Variants in CAMSAP2 observed in about 807,000 individuals in gnomAD.
The protein encoded by CAMSAP2 is calmodulin regulated spectrin associated protein family member 2.
A neutral mutation model predicts 146.1 loss-of-function variants in CAMSAP2; 26 were observed. That is an observed-to-expected ratio of 0.18 (90% CI 0.13 to 0.25). CAMSAP2 has a LOEUF of 0.25. CAMSAP2 is among the 10% of genes least tolerant of loss of function. The pLI, the probability that CAMSAP2 is intolerant of heterozygous loss-of-function variation, is 1.00. For synonymous variants in CAMSAP2, 499 were observed against 596.6 expected (o/e 0.84, Z 2.38); for missense variants, 1,381 against 1,759.3 (o/e 0.78, Z 3.85).
chr1:200,762,127 G>A (rs926775259), intron 2 of CAMSAP2, among the ~76,000 whole-genome samples: 1 of 152,270 alleles, frequency 6.6e-6, no homozygotes, highest in South Asian at 2.1e-4. Context: ...ATGAAGTTAT[G>A]TAATTTAGGA....
At chr1:200,828,312 A>C (rs1666954981) in intron 4 of CAMSAP2, among the ~76,000 whole-genome samples, 1 of 152,206 alleles carries the variant, frequency 6.6e-6, no homozygotes, top group Non-Finnish European at 1.5e-5. Context: ...TTGCTGCTAA[A>C]GTATACAGCA....
chr1:200,822,139 TACACACAC>T (rs150135269), intron 4 of CAMSAP2, among the ~76,000 whole-genome samples: 475 of 146,284 alleles, frequency 3.2e-3, no homozygotes, highest in South Asian at 0.017. Context: ...TCTCTCGCTC[TACACACAC>T]ACACACACAC....
chr1:200,745,541 C>G (rs1033661239), intron 1 of CAMSAP2, among the ~76,000 whole-genome samples: 3 of 152,176 alleles, frequency 2.0e-5, no homozygotes, highest in Non-Finnish European at 2.9e-5. Context: ...AGTTAACTAA[C>G]TTGCCCTTGA....
intron 1 of CAMSAP2, among the ~76,000 whole-genome samples, chr1:200,759,991 G>T (rs1360404629): frequency 6.6e-6 from 1 of 152,224 alleles, no homozygotes; most frequent in African/African-American, 2.4e-5. Context: ...TGCTTAAGTT[G>T]ATTTGGGAGC....
intron 2 of CAMSAP2, among the ~76,000 whole-genome samples, chr1:200,800,159 C>T (rs557587738): frequency 2.6e-5 from 4 of 152,116 alleles, no homozygotes; most frequent in Admixed American, 6.5e-5. Context: ...TTTGGGATGG[C>T]GAATTCTGTA....
intron 6 of CAMSAP2, among the ~76,000 whole-genome samples, chr1:200,837,354 C>CCAAT (rs1245110871): frequency 1.3e-5 from 2 of 152,006 alleles, no homozygotes; most frequent in African/African-American, 4.8e-5. Context: ...GGAGTCCTTC[C>CCAAT]CCATTGTTTG....
At chr1:200,782,782 C>CTTTTTTTTTTTTTTTTTTTT (rs57995961) in intron 2 of CAMSAP2, among the ~76,000 whole-genome samples, 1 of 72,242 alleles carries the variant, frequency 1.4e-5, no homozygotes, top group Non-Finnish European at 2.7e-5. Context: ...TCATTTCTCT[C>CTTTTTTTTTTTTTTTTTTTT]TTTTTTTTTT....
intron 2 of CAMSAP2, among the ~76,000 whole-genome samples, chr1:200,778,823 A>C (rs2103019720): frequency 6.6e-6 from 1 of 152,168 alleles, no homozygotes; most frequent in Non-Finnish European, 1.5e-5. Flanking sequence ...GAAATCTTTT[A>C]ATTATATGTT....
Position 200,748,758 on chromosome 1 carries a change from A to AT in CAMSAP2, c.139+8807dup, listed in dbSNP as rs535780256. Among the ~76,000 whole-genome samples the AT allele has an allele frequency of 8.8e-3, 1,138 of 128,634 alleles. 8 individuals are homozygous for AT. Among genetic ancestry groups the AT allele is most frequent in the South Asian group, 0.014 (57 of 4,034 alleles). The allele number at this position is 128,634 out of a possible 152,430, so 84.4% of individuals were successfully genotyped here. A position where few individuals can be genotyped will look rare whatever the true frequency, so the allele number is the denominator to read the frequency against. ...AGAGGATTGATTGCATTCAGGTTTG[A>AT]TTTTTTTTTTTTTTTGGTATACTTT... On this transcript the variant is annotated intron_variant, in intron 1 of 16. Coordinates refer to ENST00000358823, the MANE Select transcript of CAMSAP2 (RefSeq NM_203459.4).
chr1:200,824,776 T>C (rs1278888794), intron 4 of CAMSAP2, among the ~76,000 whole-genome samples: 1 of 152,084 alleles, frequency 6.6e-6, no homozygotes, highest in Non-Finnish European at 1.5e-5. Context: ...GTCAGAAGTT[T>C]GAGACCAGCC....
intron 4 of CAMSAP2, among the ~76,000 whole-genome samples, chr1:200,824,842 G>A (rs1407013161): frequency 1.3e-5 from 2 of 152,168 alleles, no homozygotes; most frequent in Non-Finnish European, 2.9e-5. Flanking sequence ...AGCCAGGTGT[G>A]TTGGCATGCG....
chr1:200,857,222 A>G lies in CAMSAP2; in HGVS notation c.4013-84A>G. The G allele has an allele frequency of 4.2e-6, 4 of 962,668 alleles. No homozygotes were observed. Among genetic ancestry groups the G allele is most frequent in the Non-Finnish European group, 6.5e-6 (4 of 613,718 alleles). The allele number at this position is 962,668 out of a possible 1,614,324, so 59.6% of individuals were successfully genotyped here. On this transcript the variant is annotated intron_variant, in intron 15 of 16. Transcript: ENST00000358823. The surrounding 1 kb of genome is among the most constrained non-coding windows in gnomAD (Gnocchi z 4.7). ...TTCTATTACAATATTTCAGCAGTGTAGGAACAATTACATCATTTTAAAATA... is the reference window on the plus strand; with the variant it reads ...TTCTATTACAATATTTCAGCAGTGTGGGAACAATTACATCATTTTAAAATA...
intron 1 of CAMSAP2, among the ~76,000 whole-genome samples, chr1:200,745,045 A>T (rs1664283688): frequency 6.6e-6 from 1 of 152,190 alleles, no homozygotes; most frequent in African/African-American, 2.4e-5. Context: ...TATTCTTGTA[A>T]GCGTTTTATA....
intron 2 of CAMSAP2, among the ~76,000 whole-genome samples, chr1:200,762,152 A>G (rs1664819285): frequency 2.0e-5 from 3 of 152,232 alleles, no homozygotes; most frequent in Non-Finnish European, 4.4e-5. Context: ...TGAACAAAAA[A>G]ATTAGTTTAT....
intron 2 of CAMSAP2, among the ~76,000 whole-genome samples, chr1:200,785,378 CT>C (rs1194410932): frequency 6.9e-5 from 10 of 145,560 alleles, no homozygotes; most frequent in Non-Finnish European, 1.1e-4. Context: ...TTGATGTTTT[CT>C]TTTTTTTTCT....
intron 6 of CAMSAP2, among the ~76,000 whole-genome samples, chr1:200,838,263 C>T (rs975769995): frequency 9.2e-5 from 14 of 152,124 alleles, no homozygotes; most frequent in Non-Finnish European, 1.5e-5. Context: ...TTATTGAGCA[C>T]TTAAGCAGTA....
intron 4 of CAMSAP2, chr1:200,828,477 C>T (rs1666958873): frequency 2.3e-5 from 27 of 1,189,526 alleles, no homozygotes; most frequent in Non-Finnish European, 3.1e-5. Context: ...ACTCCACTAT[C>T]AGAAGCTTTA....
chr1:200,751,559 A>AG (rs1664508268), intron 1 of CAMSAP2, among the ~76,000 whole-genome samples: 5 of 147,084 alleles, frequency 3.4e-5, no homozygotes, highest in Non-Finnish European at 6.0e-5. Context: ...AAAAAAAAAA[A>AG]GCTACAAGCT....
At chr1:200,821,716 C>A (rs1247547372) in intron 4 of CAMSAP2, among the ~76,000 whole-genome samples, 2 of 152,178 alleles carry the variant, frequency 1.3e-5, no homozygotes, top group African/African-American at 4.8e-5. Flanking sequence ...TAATAATTTA[C>A]TTGCCCTTAC....
Sources: gnomAD v4.1 joint callset for allele counts (sites outside exome capture counted in the v4.1 genomes callset) on GRCh38, gnomAD v4.1.1 for gene constraint, Gnocchi (gnomAD v3.1) non-coding constraint, MANE v1.5 for transcripts, NCBI Gene and HGNC (gene_info 2026-07-23, HGNC 2026-07-21) for gene names.